The following GMPS variants were observed in gnomAD, a reference collection of about 807,000 sequenced individuals.
GMPS encodes the protein guanosine monophosphate synthase.
GMPS carries 15 observed loss-of-function variants against 77.9 expected under a neutral mutation model. That is an observed-to-expected ratio of 0.19 (90% CI 0.13 to 0.30). The LOEUF (loss-of-function observed/expected upper bound fraction) is 0.30, where lower values mean the gene tolerates loss of function less well. Among genes scored for constraint, GMPS ranks in the 10% least tolerant of loss-of-function variants. The pLI is 1.00. For synonymous variants in GMPS, 224 were observed against 275.9 expected (o/e 0.81, Z 1.86); for missense variants, 590 against 838.8 (o/e 0.70, Z 3.66).
intron 3 of GMPS, among the ~76,000 whole-genome samples, chr3:155,902,422 AT>A (rs2108088397): frequency 6.6e-6 from 1 of 152,320 alleles, no homozygotes; most frequent in East Asian, 1.9e-4. Flanking sequence ...GATTTTTTAC[AT>A]TGTTAAATGA....
chr3:155,917,100 A>G lies in GMPS; in HGVS notation c.1212+908A>G, dbSNP rs147206437. Among the ~76,000 whole-genome samples, 837 of 152,170 alleles carry G rather than the reference A, an allele frequency of 5.5e-3. 2 individuals are homozygous for G. The highest frequency in any genetic ancestry group is 0.015 in the South Asian group (71 of 4,796). ...GAGATTCTGCTGCCTCAGCCTCTCA[A>G]GTAGCTGGGATTACAGGCATGCGCC... On this transcript the variant is annotated intron_variant, in intron 9 of 15. Transcript: ENST00000496455.
At chr3:155,923,793 A>G (rs1755383154) in intron 11 of GMPS, among the ~76,000 whole-genome samples, 1 of 152,188 alleles carries the variant, frequency 6.6e-6, no homozygotes, top group South Asian at 2.1e-4. Flanking sequence ...TTCTTGACAT[A>G]TAGCCCTAGA....
chr3:155,909,725 G>A (rs1754981260), intron 5 of GMPS, among the ~76,000 whole-genome samples: 1 of 151,988 alleles, frequency 6.6e-6, no homozygotes, highest in Non-Finnish European at 1.5e-5. Context: ...CGAGGCAGGA[G>A]GATTACTTGA....
chr3:155,883,687 A>G (rs1354669626), intron 1 of GMPS, among the ~76,000 whole-genome samples: 1 of 152,190 alleles, frequency 6.6e-6, no homozygotes, highest in African/African-American at 2.4e-5. Context: ...ACATGTGCAC[A>G]TACTTAAAAT....
intron 4 of GMPS, 98 bp downstream of exon 4, chr3:155,904,058 A>G: frequency 1.7e-6 from 1 of 600,580 alleles, no homozygotes; most frequent in African/African-American, 1.9e-5. Flanking sequence ...TTCATAAACA[A>G]AATTAAGGGT....
Position 155,939,087 on chromosome 3 carries a change from C to A in GMPS, c.*1395C>A, listed in dbSNP as rs1159633547. ...TTTTTATTCTGGCTGGTCCAGGGAACAAGAAAACTGCTGCTGGACCAGCAA... is the reference window on the plus strand; with the variant it reads ...TTTTTATTCTGGCTGGTCCAGGGAAAAAGAAAACTGCTGCTGGACCAGCAA... On this transcript the variant is annotated 3_prime_UTR_variant, in exon 16 of 16. Transcript: ENST00000496455. 1 of 217,692 alleles carries A rather than the reference C, an allele frequency of 4.6e-6. No individual in the cohort carries two copies. Among genetic ancestry groups the A allele is most frequent in the African/African-American group, 2.3e-5 (1 of 44,428 alleles). 13.5% of individuals were successfully genotyped at this position (217,692 alleles called of 1,614,324 possible). A position where few individuals can be genotyped will look rare whatever the true frequency, so the allele number is the denominator to read the frequency against.
chr3:155,923,369 G>A (rs1379081260), intron 11 of GMPS, among the ~76,000 whole-genome samples: 3 of 151,924 alleles, frequency 2.0e-5, no homozygotes, highest in Non-Finnish European at 4.4e-5. Context: ...ATGTCCAGAA[G>A]GAAATAATAG....
intron 12 of GMPS, among the ~76,000 whole-genome samples, chr3:155,927,874 C>T (rs1307958251): frequency 1.3e-5 from 2 of 152,028 alleles, no homozygotes; most frequent in Admixed American, 6.6e-5. Flanking sequence ...TAACTGTTCC[C>T]TCATATTCTA....
At chr3:155,918,819 C>T (rs1302325790) in intron 9 of GMPS, among the ~76,000 whole-genome samples, 1 of 152,024 alleles carries the variant, frequency 6.6e-6, no homozygotes, top group Non-Finnish European at 1.5e-5. Context: ...ATTCTGGTTA[C>T]AAGTCTTTTA....
intron 1 of GMPS, among the ~76,000 whole-genome samples, chr3:155,871,819 G>A (rs1043436967): frequency 6.6e-6 from 1 of 152,218 alleles, no homozygotes; most frequent in Non-Finnish European, 1.5e-5. Flanking sequence ...GACCGCTGCT[G>A]CTCATCTCTC....
chr3:155,941,780 A>T lies in GMPS; in HGVS notation c.*4088A>T. 1 of 218,418 alleles carries T rather than the reference A, an allele frequency of 4.6e-6. No individual in the cohort carries two copies. The highest frequency in any genetic ancestry group is 6.8e-5 in the East Asian group (1 of 14,784). 13.5% of individuals were successfully genotyped at this position (218,418 alleles called of 1,614,324 possible). A position where few individuals can be genotyped will look rare whatever the true frequency, so the allele number is the denominator to read the frequency against. ...CAAGGGATCAGGGTATCTTTCTGGT[A>T]TCTTTTTAATCACTGAAGGACTTTG... On this transcript the variant is annotated 3_prime_UTR_variant, in exon 16 of 16. Coordinates refer to ENST00000496455, the MANE Select transcript of GMPS (RefSeq NM_003875.3).
chr3:155,890,371 G>A (rs1754435985), intron 1 of GMPS, among the ~76,000 whole-genome samples: 1 of 152,106 alleles, frequency 6.6e-6, no homozygotes, highest in Admixed American at 6.6e-5. Flanking sequence ...ACCATGCAAA[G>A]CAATTTTAAT....
At chr3:155,914,226 A>G (rs573759133) in intron 7 of GMPS, among the ~76,000 whole-genome samples, 193 bp from the exon 8 acceptor site, 48 of 152,146 alleles carry the variant, frequency 3.2e-4, no homozygotes, top group South Asian at 8.3e-4. Flanking sequence ...GATTATAGGC[A>G]TGAGCCACCG....
chr3:155,898,264 C>G (rs1376170865), intron 3 of GMPS, among the ~76,000 whole-genome samples: 1 of 152,174 alleles, frequency 6.6e-6, no homozygotes, highest in African/African-American at 2.4e-5. Flanking sequence ...TAACAAAACA[C>G]TATCCATTTA....
At chr3:155,936,668 C>T (rs1755773449) in intron 15 of GMPS, among the ~76,000 whole-genome samples, 158 bp downstream of exon 15, 1 of 151,742 alleles carries the variant, frequency 6.6e-6, no homozygotes, top group South Asian at 2.1e-4. Context: ...TTGATTAATA[C>T]ACTGGGGCAG....
At chr3:155,895,895 G>GCAGT (rs1394338800) in intron 2 of GMPS, among the ~76,000 whole-genome samples, 1 of 152,072 alleles carries the variant, frequency 6.6e-6, no homozygotes, top group Non-Finnish European at 1.5e-5. Flanking sequence ...GGGGTACTGG[G>GCAGT]CAGTCCCATG....
chr3:155,912,989 T>C (rs559472555), intron 7 of GMPS, among the ~76,000 whole-genome samples: 1 of 152,348 alleles, frequency 6.6e-6, no homozygotes, highest in Admixed American at 6.5e-5. Flanking sequence ...ATGTATTCTC[T>C]AGAGGGGCTA....
At chr3:155,899,251 C>A (rs1421533456) in intron 3 of GMPS, among the ~76,000 whole-genome samples, 1 of 152,014 alleles carries the variant, frequency 6.6e-6, no homozygotes, top group Non-Finnish European at 1.5e-5. Context: ...GACTGTAATC[C>A]CAGCTCCTTG....
chr3:155,872,833 A>C (rs1200990598), intron 1 of GMPS, among the ~76,000 whole-genome samples: 3 of 152,254 alleles, frequency 2.0e-5, no homozygotes, highest in Admixed American at 1.3e-4. Flanking sequence ...CTGGAGAATT[A>C]ATATATTTCA....
Sources: allele counts gnomAD v4.1 joint callset (sites outside exome capture counted in the v4.1 genomes callset), GRCh38; gene constraint gnomAD v4.1.1; transcripts MANE v1.5; gene names NCBI Gene and HGNC (gene_info 2026-07-23, HGNC 2026-07-21).